Variants in PABPC4L observed in about 807,000 individuals in gnomAD.
PABPC4L encodes polyadenylate-binding protein 4-like.
For synonymous variants in PABPC4L, 169 were observed against 164.1 expected (o/e 1.03, Z -0.23); for missense variants, 452 against 451.4 (o/e 1.00, Z -0.01).
At chr4:134,175,693 C>A in the PABPC4L span, among the ~76,000 whole-genome samples, 4 of 152,234 alleles carry the variant, frequency 2.6e-5, no homozygotes, top group East Asian at 7.7e-4. Flanking sequence ...ATGTGATTCA[C>A]CCGCCTTGGC....
At chr4:134,181,147 T>C in the PABPC4L span, among the ~76,000 whole-genome samples, 1 of 151,950 alleles carries the variant, frequency 6.6e-6, no homozygotes, top group Middle Eastern at 3.4e-3. Flanking sequence ...CCAAATTTAG[T>C]AGCAATTCAA....
At chr4:134,061,167 A>G in the PABPC4L span, among the ~76,000 whole-genome samples, 1 of 152,096 alleles carries the variant, frequency 6.6e-6, no homozygotes, top group Non-Finnish European at 1.5e-5. Flanking sequence ...TTTTATGCCC[A>G]TATCAAAATA....
At chr4:134,031,129 GT>G in the PABPC4L span, among the ~76,000 whole-genome samples, 1 of 151,700 alleles carries the variant, frequency 6.6e-6, no homozygotes, top group African/African-American at 2.4e-5. Flanking sequence ...TAACAAGAAG[GT>G]TTTTTTCCCA....
At chr4:134,028,333 C>T in the PABPC4L span, among the ~76,000 whole-genome samples, 1 of 152,090 alleles carries the variant, frequency 6.6e-6, no homozygotes, top group Non-Finnish European at 1.5e-5. Context: ...AACATCTGTG[C>T]ACTGCCAGCG....
At chr4:133,976,976 A>G in the PABPC4L span, among the ~76,000 whole-genome samples, 1 of 152,138 alleles carries the variant, frequency 6.6e-6, no homozygotes, top group African/African-American at 2.4e-5. Flanking sequence ...ATTTTATCAT[A>G]AAATCTTTGC....
chr4:134,127,880 C>T, the PABPC4L span, among the ~76,000 whole-genome samples: 1 of 151,562 alleles, frequency 6.6e-6, no homozygotes. Flanking sequence ...AAGGTAAAGT[C>T]CAACTTAAAG....
At chr4:134,185,473 G>A in the PABPC4L span, among the ~76,000 whole-genome samples, 3 of 152,004 alleles carry the variant, frequency 2.0e-5, no homozygotes, top group East Asian at 1.9e-4. Context: ...AAAGGCCTTC[G>A]ACAAAATTCA....
At chr4:134,043,815 C>A in the PABPC4L span, among the ~76,000 whole-genome samples, 1 of 151,804 alleles carries the variant, frequency 6.6e-6, no homozygotes, top group Admixed American at 6.6e-5. Context: ...CAAATGAAAT[C>A]AAATACAAAT....
At chr4:133,982,093 A>G in the PABPC4L span, among the ~76,000 whole-genome samples, 1 of 152,066 alleles carries the variant, frequency 6.6e-6, no homozygotes. Flanking sequence ...CCTTGCCATC[A>G]AAAACCTTGT....
At chr4:134,181,485 C>T in the PABPC4L span, among the ~76,000 whole-genome samples, 2 of 152,032 alleles carry the variant, frequency 1.3e-5, no homozygotes, top group African/African-American at 4.8e-5. Flanking sequence ...TTTCTCACCA[C>T]TCCTACTCAA....
the PABPC4L span, among the ~76,000 whole-genome samples, chr4:134,112,793 A>G: frequency 6.6e-6 from 1 of 151,914 alleles, no homozygotes. Flanking sequence ...AGAATAGTCT[A>G]CTATTTTGCT....
chr4:134,121,506 T>C, the PABPC4L span, among the ~76,000 whole-genome samples: 1 of 151,640 alleles, frequency 6.6e-6, no homozygotes, highest in South Asian at 2.1e-4. Flanking sequence ...GGAGCTAAAT[T>C]TAAAGTTTAT....
chr4:133,992,199 C>A, the PABPC4L span, among the ~76,000 whole-genome samples: 1 of 152,110 alleles, frequency 6.6e-6, no homozygotes, highest in Non-Finnish European at 1.5e-5. Context: ...GTATGGTCGC[C>A]CTGCAAATGG....
the PABPC4L span, among the ~76,000 whole-genome samples, chr4:133,951,072 A>G: frequency 2.0e-5 from 3 of 152,268 alleles, no homozygotes; most frequent in Admixed American, 6.5e-5. Context: ...CCTTTCTTAC[A>G]TAAGGATTGT....
the PABPC4L span, among the ~76,000 whole-genome samples, chr4:133,957,897 T>C: frequency 6.6e-6 from 1 of 152,196 alleles, no homozygotes. Flanking sequence ...TGCCATGTCC[T>C]GAGGCTGCGC....
the PABPC4L span, among the ~76,000 whole-genome samples, chr4:134,058,349 T>G: frequency 6.6e-6 from 1 of 152,134 alleles, no homozygotes; most frequent in East Asian, 1.9e-4. Context: ...AAACATAGTT[T>G]TGAAAATATA....
At chr4:134,078,047 A>C in the PABPC4L span, among the ~76,000 whole-genome samples, 1 of 152,198 alleles carries the variant, frequency 6.6e-6, no homozygotes, top group African/African-American at 2.4e-5. Flanking sequence ...AACTATGTAC[A>C]TAAAAATACT....
chr4:134,177,935 A>G, the PABPC4L span, among the ~76,000 whole-genome samples: 1 of 151,648 alleles, frequency 6.6e-6, no homozygotes. Flanking sequence ...CAGCCTAGCA[A>G]CCCTGATTCT....
chr4:134,092,654 C>T, the PABPC4L span, among the ~76,000 whole-genome samples: 2 of 152,046 alleles, frequency 1.3e-5, no homozygotes, highest in African/African-American at 4.8e-5. Flanking sequence ...CTAGACACTG[C>T]TGTGGGCCAG....
Sources: gnomAD v4.1 joint callset for allele counts (sites outside exome capture counted in the v4.1 genomes callset) on GRCh38, gnomAD v4.1.1 for gene constraint, MANE v1.5 for transcripts, NCBI Gene and HGNC (gene_info 2026-07-23, HGNC 2026-07-21) for gene names.